Variants in ACTN4 observed in about 807,000 individuals in gnomAD.
ACTN4 encodes actinin alpha 4.
In ACTN4, 18 loss-of-function variants were observed where a neutral mutation model predicts 114.2. The ratio of observed to expected loss-of-function variants is 0.16; its 90% CI spans 0.11 to 0.23. The LOEUF is 0.23. Among genes scored for constraint, ACTN4 ranks in the 10% least tolerant of loss-of-function variants. The pLI is 1.00. For missense variants in ACTN4, 722 were observed against 1,262.9 expected (o/e 0.57, Z 6.49); for synonymous variants, 515 against 506.3 (o/e 1.02, Z -0.23).
At chr19:38,664,848 A>G (rs969015577) in intron 1 of ACTN4, among the ~76,000 whole-genome samples, 1 of 152,328 alleles carries the variant, frequency 6.6e-6, no homozygotes, top group Middle Eastern at 3.4e-3. Context: ...AAGAGAACCT[A>G]GAGCTCATTA....
At chr19:38,712,668 C>T (rs909243019) in intron 8 of ACTN4, among the ~76,000 whole-genome samples, 1 of 152,006 alleles carries the variant, frequency 6.6e-6, no homozygotes, top group African/African-American at 2.4e-5. Flanking sequence ...CACACTCCCG[C>T]GGGAGGGTGG....
chr19:38,650,876 C>T (rs902935701), intron 1 of ACTN4, among the ~76,000 whole-genome samples: 2 of 152,180 alleles, frequency 1.3e-5, no homozygotes, highest in South Asian at 2.1e-4. Context: ...GCTGGGAATA[C>T]GGGCATGCGC....
chr19:38,728,914 C>T, intron 19 of ACTN4, 82 bp from the exon 20 acceptor site: 1 of 1,573,736 alleles, frequency 6.4e-7, no homozygotes, highest in Admixed American at 1.7e-5. Flanking sequence ...CGGCTGTTTC[C>T]CTGGAGACCC....
intron 17 of ACTN4, among the ~76,000 whole-genome samples, chr19:38,726,670 G>A (rs1206136334): frequency 1.3e-5 from 2 of 152,322 alleles, no homozygotes; most frequent in Non-Finnish European, 2.9e-5. Context: ...AGCCAGTGGT[G>A]AGACACTGAC....
intron 1 of ACTN4, among the ~76,000 whole-genome samples, chr19:38,653,303 G>T (rs943888976): frequency 1.3e-5 from 2 of 151,952 alleles, no homozygotes; most frequent in African/African-American, 4.8e-5. Context: ...GATTTGGGAA[G>T]GCCCAAGGAA....
At chr19:38,697,261 G>A (rs1443603089) in intron 1 of ACTN4, among the ~76,000 whole-genome samples, 2 of 152,218 alleles carry the variant, frequency 1.3e-5, no homozygotes, top group Admixed American at 1.3e-4. Flanking sequence ...GGGGCCATCC[G>A]CAGAGGGTCT....
intron 13 of ACTN4, 30 bp from the exon 14 acceptor site, chr19:38,723,907 G>T (rs1568744800): frequency 6.2e-7 from 1 of 1,605,868 alleles, no homozygotes; most frequent in Non-Finnish European, 8.5e-7. Flanking sequence ...CCTTCCCTCT[G>T]TCCCTGCCCC....
intron 1 of ACTN4, among the ~76,000 whole-genome samples, chr19:38,687,912 A>G (rs1967798320): frequency 6.6e-6 from 1 of 152,246 alleles, no homozygotes; most frequent in South Asian, 2.1e-4. Context: ...CTTAAATTCA[A>G]CAGTAAAAAG....
At chr19:38,700,575 A>G in intron 1 of ACTN4, 25 bp from the exon 2 acceptor site, 2 of 1,591,458 alleles carry the variant, frequency 1.3e-6, no homozygotes, top group Non-Finnish European at 8.6e-7. Context: ...GACTCTGCGC[A>G]CTGTCCTTTG....
intron 1 of ACTN4, 68 bp from the exon 2 acceptor site, chr19:38,700,532 C>A: frequency 7.5e-7 from 1 of 1,331,276 alleles, no homozygotes; most frequent in Non-Finnish European, 1.1e-6. Context: ...TGCGGCCCTG[C>A]AGGTGTGTGG....
chr19:38,729,600 G>A lies in ACTN4; in HGVS notation c.*168G>A. 2 of 1,042,978 alleles carry A rather than the reference G, an allele frequency of 1.9e-6. No individual in the cohort carries two copies. The highest frequency in any genetic ancestry group is 2.9e-6 in the Non-Finnish European group (2 of 696,598). The allele number at this position is 1,042,978 out of a possible 1,614,324, so 64.6% of individuals were successfully genotyped here. ...GGCAGGCTCTCTCCTCTCTCTCTTT[G>A]TGGGTTGGCCAGGAGGTTCCCCCGA... is the stretch of plus-strand genomic sequence containing the variant. On this transcript the variant is annotated 3_prime_UTR_variant, in exon 21 of 21. Coordinates refer to ENST00000252699, the MANE Select transcript of ACTN4 (RefSeq NM_004924.6).
intron 4 of ACTN4, among the ~76,000 whole-genome samples, chr19:38,705,229 C>T (rs1157115086): frequency 1.3e-5 from 2 of 152,204 alleles, no homozygotes; most frequent in Non-Finnish European, 2.9e-5. Flanking sequence ...TTCCGAGTGC[C>T]TTTGCTCTCA....
At position 38,717,158 on chromosome 19, in the gene ACTN4, C is replaced by A; in HGVS notation, c.985C>A (p.Gln329Lys). 6.2e-7 allele frequency: 1 copy of A among 1,614,260 alleles called. No homozygotes were observed. The highest frequency in any genetic ancestry group is 8.5e-7 in the Non-Finnish European group (1 of 1,180,048). ...RVPQKTIQEM[Q>K]QKLEDFRDYR... ...GCCCCAAAAGACTATCCAGGAGATG[C>A]AGCAGAAGCTGGAGGACTTCCGCGA... The change falls in exon 10 of 21, where the codon CAG (glutamine) becomes AAG (lysine). Residue 329 changes from glutamine to lysine, a missense_variant. This residue lies in a region of ACTN4 where 523 missense variants were observed against 875.9 expected (regional missense o/e 0.60). Coordinates refer to ENST00000252699, the MANE Select transcript of ACTN4 (RefSeq NM_004924.6). The surrounding 1 kb of genome is among the most constrained non-coding windows in gnomAD (Gnocchi z 4.0).
intron 7 of ACTN4, 107 bp downstream of exon 7, chr19:38,709,583 C>G: frequency 1.0e-6 from 1 of 975,068 alleles, no homozygotes; most frequent in South Asian, 1.3e-5. Flanking sequence ...TTTGGGTCAC[C>G]TTGGGGAGCT....
chr19:38,725,835 GAGCAGC>G lies in ACTN4; in HGVS notation c.2127_2132del (p.Gln709_Gln710del). 1 of 1,614,194 alleles carries G rather than the reference GAGCAGC, an allele frequency of 6.2e-7. No individual in the cohort carries two copies. The highest frequency in any genetic ancestry group is 8.5e-7 in the Non-Finnish European group (1 of 1,180,038). On this transcript the variant is annotated inframe_deletion, in exon 17 of 21. Transcript: ENST00000252699. ...CTACAAGCCCAACCTGGACCTGCTG[GAGCAGC>G]AGCACCAGCTCATCCAGGAGGCCCT...
intron 5 of ACTN4, among the ~76,000 whole-genome samples, chr19:38,706,563 G>T (rs1968466162): frequency 6.6e-6 from 1 of 152,112 alleles, no homozygotes; most frequent in Non-Finnish European, 1.5e-5. Context: ...GCAGGTGCAT[G>T]CAGCCACACC....
Position 38,648,064 on chromosome 19 carries a change from G to A in ACTN4, c.162+157G>A, listed in dbSNP as rs988441057. Reference sequence around the variant, plus strand: ...CCGGGAAGGGAATTGGAGTCCTGAGGAGGAATCGCCGAGCTAGAGGAAGGA... The same window carrying A: ...CCGGGAAGGGAATTGGAGTCCTGAGAAGGAATCGCCGAGCTAGAGGAAGGA... On this transcript the variant is annotated intron_variant, in intron 1 of 20. Coordinates refer to ENST00000252699, the MANE Select transcript of ACTN4 (RefSeq NM_004924.6). The A allele has an allele frequency of 4.6e-6, 4 of 871,502 alleles. No homozygotes were observed. In the African/African-American group the frequency reaches 7.1e-5, roughly 16 times the overall value. The allele number at this position is 871,502 out of a possible 1,614,324, so 54.0% of individuals were successfully genotyped here.
intron 1 of ACTN4, among the ~76,000 whole-genome samples, chr19:38,657,287 C>T (rs575958971): frequency 1.1e-3 from 171 of 152,090 alleles, no homozygotes; most frequent in Non-Finnish European, 2.2e-3. Context: ...GGATTACAGG[C>T]GCGCGCCACG....
chr19:38,705,945 G>T (rs539125895), intron 4 of ACTN4, 99 bp from the exon 5 acceptor site: 4 of 1,243,626 alleles, frequency 3.2e-6, no homozygotes, highest in Non-Finnish European at 4.7e-6. Context: ...CTTGGGTTTC[G>T]TTTGACCCCA....
Sources: allele counts gnomAD v4.1 joint callset (sites outside exome capture counted in the v4.1 genomes callset), GRCh38; gene constraint gnomAD v4.1.1; regional missense constraint gnomAD v4.1.1; non-coding constraint Gnocchi (gnomAD v3.1); transcripts MANE v1.5; gene names NCBI Gene and HGNC (gene_info 2026-07-23, HGNC 2026-07-21).